Variants in KANSL1L observed in about 807,000 individuals in gnomAD.
KANSL1L encodes KAT8 regulatory NSL complex subunit 1 like.
KANSL1L carries 25 observed loss-of-function variants against 108.6 expected under a neutral mutation model. The ratio of observed to expected loss-of-function variants is 0.23; its 90% CI spans 0.17 to 0.32. The LOEUF is 0.32. KANSL1L is among the 10% of genes least tolerant of loss of function. The pLI is 1.00. For synonymous variants in KANSL1L, 405 were observed against 395.1 expected (o/e 1.03, Z -0.30); for missense variants, 1,137 against 1,125.7 (o/e 1.01, Z -0.14).
At chr2:210,043,860 A>C (rs989678557) in intron 7 of KANSL1L, 79 bp downstream of exon 7, 2 of 967,708 alleles carry the variant, frequency 2.1e-6, no homozygotes, top group African/African-American at 3.4e-5. Flanking sequence ...AATAAGATTT[A>C]TTAGATTCTC....
intron 1 of KANSL1L, among the ~76,000 whole-genome samples, chr2:210,167,149 A>C (rs1688034383): frequency 6.6e-6 from 1 of 152,052 alleles, no homozygotes; most frequent in Non-Finnish European, 1.5e-5. Context: ...ATTCCTCAAA[A>C]ATACAGGAAT....
intron 6 of KANSL1L, among the ~76,000 whole-genome samples, 196 bp downstream of exon 6, chr2:210,075,356 A>G (rs1320624596): frequency 6.6e-6 from 1 of 152,170 alleles, no homozygotes; most frequent in Non-Finnish European, 1.5e-5. Flanking sequence ...CACTGCTTGC[A>G]ATGTTTAAAA....
chr2:210,028,351 T>A (rs2093965452), intron 11 of KANSL1L: 1 of 150,444 alleles, frequency 6.6e-6, no homozygotes, highest in Non-Finnish European at 1.5e-5. Context: ...TCCCAGACCT[T>A]CCCACTCATC....
chr2:210,052,701 A>G (rs1253568095), intron 6 of KANSL1L, among the ~76,000 whole-genome samples: 3 of 152,224 alleles, frequency 2.0e-5, no homozygotes, highest in East Asian at 1.9e-4. Flanking sequence ...TCAATTAAAT[A>G]TAAGTTCTAT....
At chr2:210,148,669 A>C (rs1219135432) in intron 2 of KANSL1L, among the ~76,000 whole-genome samples, 2 of 152,232 alleles carry the variant, frequency 1.3e-5, no homozygotes, top group African/African-American at 2.4e-5. Context: ...TTATGAATTA[A>C]AGTCAATTAG....
chr2:210,058,420 G>A (rs1029058571), intron 6 of KANSL1L, among the ~76,000 whole-genome samples: 1 of 152,154 alleles, frequency 6.6e-6, no homozygotes, highest in African/African-American at 2.4e-5. Flanking sequence ...CTGTGGTCCT[G>A]TGATCTCGCC....
At chr2:210,157,691 G>GAAA (rs56676129) in intron 1 of KANSL1L, among the ~76,000 whole-genome samples, 17 of 47,166 alleles carry the variant, frequency 3.6e-4, no homozygotes, top group South Asian at 8.5e-4. Flanking sequence ...CACTGTCACA[G>GAAA]AAAAAAAAAA....
intron 2 of KANSL1L, among the ~76,000 whole-genome samples, chr2:210,138,360 G>A (rs532051108): frequency 6.6e-6 from 1 of 151,948 alleles, no homozygotes; most frequent in South Asian, 2.1e-4. Flanking sequence ...GCTAACTATT[G>A]TATATTATGC....
chr2:210,073,956 T>C (rs2094525205), intron 6 of KANSL1L, among the ~76,000 whole-genome samples: 1 of 152,192 alleles, frequency 6.6e-6, no homozygotes, highest in African/African-American at 2.4e-5. Context: ...ATACAGCCCC[T>C]ATTCTCTGAA....
intron 1 of KANSL1L, among the ~76,000 whole-genome samples, chr2:210,165,401 G>C (rs1356664191): frequency 6.6e-6 from 1 of 151,744 alleles, no homozygotes; most frequent in African/African-American, 2.4e-5. Context: ...AGTAAGACAA[G>C]ACAAAGCTTA....
At chr2:210,127,036 A>T (rs1039275441) in intron 3 of KANSL1L, among the ~76,000 whole-genome samples, 3 of 147,914 alleles carry the variant, frequency 2.0e-5, no homozygotes, top group East Asian at 1.9e-4. Context: ...GTCTCTTTTT[A>T]AAAAAAAAGA....
At position 210,097,333 on chromosome 2, in the gene KANSL1L, A is replaced by AT. The variant is rs34151652; in HGVS notation, c.1550+752dup. 66 of 759,574 alleles carry AT rather than the reference A, an allele frequency of 8.7e-5. 3 individuals are homozygous for AT. The East Asian group carries it at 7.9e-3, about 91-fold the overall frequency. The allele number at this position is 759,574 out of a possible 1,614,324, so 47.1% of individuals were successfully genotyped here. ...AGTTATTAAAATAATAAATTATATA[A>AT]TTTTTAACACAAATATTTCCCAAAA... is the stretch of plus-strand genomic sequence containing the variant. On this transcript the variant is annotated intron_variant, in intron 5 of 14. Transcript: ENST00000281772.
chr2:210,039,017 T>C (rs1164099600), intron 8 of KANSL1L, among the ~76,000 whole-genome samples: 1 of 151,940 alleles, frequency 6.6e-6, no homozygotes, highest in African/African-American at 2.4e-5. Context: ...AAATACCACC[T>C]TCTGTCTCTA....
At chr2:210,143,621 A>G (rs1230702094) in intron 2 of KANSL1L, among the ~76,000 whole-genome samples, 2 of 151,826 alleles carry the variant, frequency 1.3e-5, no homozygotes, top group Admixed American at 6.6e-5. Context: ...CATCTTTTGT[A>G]TATCTACTAT....
intron 6 of KANSL1L, among the ~76,000 whole-genome samples, chr2:210,071,814 T>A (rs2094509798): frequency 6.6e-6 from 1 of 152,166 alleles, no homozygotes; most frequent in Non-Finnish European, 1.5e-5. Context: ...GGAGACACAA[T>A]TCTGCCCACT....
At chr2:210,110,558 G>A (rs1475865401) in intron 3 of KANSL1L, among the ~76,000 whole-genome samples, 1 of 152,130 alleles carries the variant, frequency 6.6e-6, no homozygotes, top group African/African-American at 2.4e-5. Context: ...CAAAGTCTAA[G>A]CAGAATATGG....
intron 1 of KANSL1L, among the ~76,000 whole-genome samples, chr2:210,163,018 G>C (rs2095369937): frequency 6.6e-6 from 1 of 152,262 alleles, no homozygotes; most frequent in South Asian, 2.1e-4. Context: ...CTTATCACTG[G>C]AATACAGAAC....
intron 2 of KANSL1L, among the ~76,000 whole-genome samples, chr2:210,149,712 CAAAT>C (rs2095289023): frequency 6.6e-6 from 1 of 151,724 alleles, no homozygotes; most frequent in African/African-American, 2.4e-5. Context: ...CCAAAAGATA[CAAAT>C]AAAGTTATGT....
At chr2:210,030,810 C>CAGAT (rs1416681107) in intron 9 of KANSL1L, 1 of 151,950 alleles carries the variant, frequency 6.6e-6, no homozygotes, top group African/African-American at 2.4e-5. Context: ...CAGGCTGGAC[C>CAGAT]AGATGTCCTA....
Sources: allele counts gnomAD v4.1 joint callset (sites outside exome capture counted in the v4.1 genomes callset), GRCh38; gene constraint gnomAD v4.1.1; transcripts MANE v1.5; gene names NCBI Gene and HGNC (gene_info 2026-07-23, HGNC 2026-07-21).